Variants in ANKRD11 observed in about 807,000 individuals in gnomAD.
The protein encoded by ANKRD11 is ankyrin repeat domain-containing protein 11.
ANKRD11 carries 17 observed loss-of-function variants against 195.7 expected under a neutral mutation model. That is an observed-to-expected ratio of 0.09 (90% CI 0.06 to 0.13). The LOEUF is 0.13. Ranked by LOEUF, ANKRD11 falls within the 10% of genes least tolerant of loss-of-function variation. The probability of loss-of-function intolerance (pLI) is 1.00; values close to 1 mark genes in which losing one functional copy is unlikely to be tolerated. For synonymous variants in ANKRD11, 1,953 were observed against 1,528.1 expected, an observed-to-expected ratio of 1.28 and a Z score of -6.49; for missense variants, 3,735 against 3,566.1, an observed-to-expected ratio of 1.05 and a Z score of -1.21.
At chr16:89,460,268 A>G (rs2056605821) in intron 1 of ANKRD11, among the ~76,000 whole-genome samples, 1 of 152,124 alleles carries the variant, frequency 6.6e-6, no homozygotes, top group Non-Finnish European at 1.5e-5. Context: ...ACATTAAAAA[A>G]TAAAATTAAA....
At chr16:89,355,735 C>G (rs377475977) in intron 2 of ANKRD11, among the ~76,000 whole-genome samples, 1 of 152,184 alleles carries the variant, frequency 6.6e-6, no homozygotes, top group South Asian at 2.1e-4. Context: ...AGCATCCACC[C>G]GTCGAGGGCA....
chr16:89,290,228 G>GAGGCTCAGGGCTCCAATGGGGGT lies in ANKRD11; in HGVS notation c.601+396_601+397insACCCCCATTGGAGCCCTGAGCCT, dbSNP rs1567590948. On this transcript the variant is annotated intron_variant, in intron 6 of 12. Coordinates refer to ENST00000301030, the MANE Select transcript of ANKRD11 (RefSeq NM_013275.6). ...TGGGAGGCTCACGGCTCCAATGGGG[G>GAGGCTCAGGGCTCCAATGGGGGT]AGGCTCAGGGCTCCAGCGGGGGGTA... Among the ~76,000 whole-genome samples the GAGGCTCAGGGCTCCAATGGGGGT allele has an allele frequency of 5.6e-5, 7 of 124,416 alleles. 2 individuals carry two copies. The highest frequency in any genetic ancestry group is 1.5e-4 in the Admixed American group (2 of 13,060). 81.6% of individuals were successfully genotyped at this position (124,416 alleles called of 152,430 possible). A position where few individuals can be genotyped will look rare whatever the true frequency, so the allele number is the denominator to read the frequency against.
chr16:89,463,919 A>C (rs1324744681), intron 1 of ANKRD11, among the ~76,000 whole-genome samples: 1 of 152,182 alleles, frequency 6.6e-6, no homozygotes, highest in African/African-American at 2.4e-5. Flanking sequence ...ATTTACAAAA[A>C]ACAATAGTAC....
chr16:89,466,534 C>T (rs995531282), intron 1 of ANKRD11, among the ~76,000 whole-genome samples: 3 of 151,932 alleles, frequency 2.0e-5, no homozygotes, highest in Non-Finnish European at 2.9e-5. Context: ...CATCACCCAA[C>T]GGGGTAAAAT....
chr16:89,477,245 T>G (rs762419624), intron 1 of ANKRD11, among the ~76,000 whole-genome samples: 4 of 150,622 alleles, frequency 2.7e-5, no homozygotes, highest in Middle Eastern at 3.2e-3. Flanking sequence ...CAAGCTGGAG[T>G]GCAGTGGCGC....
At chr16:89,419,181 G>A (rs1457732783) in intron 1 of ANKRD11, among the ~76,000 whole-genome samples, 1 of 152,054 alleles carries the variant, frequency 6.6e-6, no homozygotes, top group Non-Finnish European at 1.5e-5. Context: ...GCCATGCATG[G>A]TGGCTCACGC....
rs776780527 is a variant in ANKRD11, at chr16:89,284,699, C to T, written c.1843G>A (p.Ala615Thr). The change falls in exon 9 of 13, where the codon GCG (alanine) becomes ACG (threonine). Residue 615 changes from alanine to threonine, a missense_variant. By Grantham distance (58) the Ala-to-Thr change is moderately conservative. Transcript: ENST00000301030. ...TCCAGTTTGGGGACAGCGCCCTCCG[C>T]GCTGGACAGGAAGGGGCTCTTCTTC... ...SEKKSPFLSS[A>T]EGAVPKLDKE... 74 of 1,613,826 alleles carry T rather than the reference C, an allele frequency of 4.6e-5. No homozygotes were observed. The highest frequency in any genetic ancestry group is 1.5e-4 in the Admixed American group (9 of 60,008).
chr16:89,306,816 CTCCCATTCCACAGACACGCGCCACT>C lies in ANKRD11; in HGVS notation c.88-1497_88-1473del, dbSNP rs1203829187. Among the ~76,000 whole-genome samples the C allele has an allele frequency of 1.3e-3, 116 of 88,936 alleles. 5 individuals carry two copies. The highest frequency in any genetic ancestry group is 4.4e-3 in the East Asian group (10 of 2,262). The allele number at this position is 88,936 out of a possible 152,430, so 58.3% of individuals were successfully genotyped here. A position where few individuals can be genotyped will look rare whatever the true frequency, so the allele number is the denominator to read the frequency against. On this transcript the variant is annotated intron_variant, in intron 3 of 12. Coordinates refer to ENST00000301030, the MANE Select transcript of ANKRD11 (RefSeq NM_013275.6). ...CTCCCACTCCGCAGACACGCGCCACCTCCCATTCCACAGACACGCGCCACTTACCTCCCACTCCGCAGACACGCGC... is the reference window on the plus strand; with the variant it reads ...CTCCCACTCCGCAGACACGCGCCACCTACCTCCCACTCCGCAGACACGCGC...
intron 2 of ANKRD11, among the ~76,000 whole-genome samples, chr16:89,332,941 G>A (rs1373725294): frequency 2.0e-5 from 3 of 152,190 alleles, no homozygotes; most frequent in East Asian, 1.9e-4. Flanking sequence ...CTCAAGAAAC[G>A]AGCTGCAACA....
At chr16:89,336,927 T>C (rs1456414383) in intron 2 of ANKRD11, among the ~76,000 whole-genome samples, 1 of 147,262 alleles carries the variant, frequency 6.8e-6, no homozygotes, top group Non-Finnish European at 1.5e-5. Flanking sequence ...CCTAGCACTT[T>C]AGGAGGCCGA....
chr16:89,423,179 A>G (rs992848337), intron 1 of ANKRD11, among the ~76,000 whole-genome samples: 1 of 152,136 alleles, frequency 6.6e-6, no homozygotes, highest in Non-Finnish European at 1.5e-5. Flanking sequence ...GTTAGCAAAG[A>G]CAGGTCCCTA....
rs115646995 is a variant in ANKRD11 at position 89,297,003 on chromosome 16, T to G, written c.227-5820A>C. Among the ~76,000 whole-genome samples the G allele has an allele frequency of 5.4e-3, 818 of 152,240 alleles. 10 individuals are homozygous for G. Among genetic ancestry groups the G allele is most frequent in the African/African-American group, 0.019 (770 of 41,554 alleles). ...CCAGTGTCCAGGAAGTGTGGCCCTC[T>G]CGAGGGGACAAGCTTTCCGTGGGGT... On this transcript the variant is annotated intron_variant, in intron 4 of 12. Coordinates refer to ENST00000301030, the MANE Select transcript of ANKRD11 (RefSeq NM_013275.6).
chr16:89,442,907 G>C (rs949363233), intron 1 of ANKRD11, among the ~76,000 whole-genome samples: 4 of 152,184 alleles, frequency 2.6e-5, no homozygotes, highest in Non-Finnish European at 5.9e-5. Flanking sequence ...CCTCACCACA[G>C]CACCCAGCCT....
At chr16:89,449,871 A>G (rs1176014674) in intron 1 of ANKRD11, among the ~76,000 whole-genome samples, 2 of 112,788 alleles carry the variant, frequency 1.8e-5, no homozygotes, top group Non-Finnish European at 3.8e-5. Context: ...AGCAGGTGAC[A>G]TGATCAAAGT....
intron 1 of ANKRD11, among the ~76,000 whole-genome samples, chr16:89,483,759 C>T (rs2057518385): frequency 6.7e-6 from 1 of 148,288 alleles, no homozygotes; most frequent in African/African-American, 2.5e-5. Context: ...ACCCGGGAGG[C>T]GGAGGTTGCG....
chr16:89,400,747 TGGGG>T, intron 2 of ANKRD11, among the ~76,000 whole-genome samples: 1 of 72,094 alleles, frequency 1.4e-5, no homozygotes, highest in Admixed American at 1.2e-4. Flanking sequence ...TTCCCTGCGC[TGGGG>T]GATGGTCATC....
At chr16:89,350,057 G>A (rs1486052481) in intron 2 of ANKRD11, among the ~76,000 whole-genome samples, 3 of 152,006 alleles carry the variant, frequency 2.0e-5, no homozygotes, top group Non-Finnish European at 4.4e-5. Flanking sequence ...GCAAATACAT[G>A]GATAGTCCCT....
chr16:89,280,459 G>C lies in ANKRD11; in HGVS notation c.6083C>G (p.Pro2028Arg), dbSNP rs1387729666. The C allele has an allele frequency of 1.3e-6, 2 of 1,595,396 alleles. No individual in the cohort carries two copies. Among genetic ancestry groups the C allele is most frequent in the South Asian group, 2.2e-5 (2 of 89,934 alleles). The change falls in exon 9 of 13, where the codon CCC becomes CGC. Residue 2028 changes from proline (P) to arginine (R), a missense_variant. By Grantham distance (103) the Pro-to-Arg change is moderately radical. Coordinates refer to ENST00000301030, the MANE Select transcript of ANKRD11 (RefSeq NM_013275.6). ...GTCCTCCAGCCCCGGCTCAGCGACG[G>C]GCAGAGCGTACGGGGCAGGAGAGGC... ...PPASPAPYAL[P>R]VAEPGLEDVK...
intron 2 of ANKRD11, chr16:89,360,736 G>A (rs2152056737): frequency 6.6e-6 from 1 of 152,338 alleles, no homozygotes; most frequent in Middle Eastern, 3.4e-3. Context: ...GTGTGTGTCT[G>A]TCATGTGGCT....
Sources: allele counts gnomAD v4.1 joint callset (sites outside exome capture counted in the v4.1 genomes callset), GRCh38; gene constraint gnomAD v4.1.1; transcripts MANE v1.5; gene names NCBI Gene and HGNC (gene_info 2026-07-23, HGNC 2026-07-21).